The following SDK1 variants were observed in gnomAD, a reference collection of about 807,000 sequenced individuals.
SDK1 encodes protein sidekick-1.
A neutral mutation model predicts 245.5 loss-of-function variants in SDK1; 157 were observed. The ratio of observed to expected loss-of-function variants is 0.64; its 90% CI spans 0.56 to 0.73. The LOEUF is 0.73. SDK1 is among the 30% of genes least tolerant of loss of function. The pLI is 0.00. For synonymous variants in SDK1, 1,647 were observed against 1,278.5 expected (o/e 1.29, Z -6.15); for missense variants, 3,583 against 3,002.3 (o/e 1.19, Z -4.52).
chr7:3,598,925 T>C (rs1781160549), intron 1 of SDK1, among the ~76,000 whole-genome samples: 1 of 152,108 alleles, frequency 6.6e-6, no homozygotes, highest in South Asian at 2.1e-4. Flanking sequence ...CCTAGGAAGG[T>C]TTCTGTGTGA....
At chr7:3,452,771 C>G (rs772821325) in intron 1 of SDK1, among the ~76,000 whole-genome samples, 8 of 152,130 alleles carry the variant, frequency 5.3e-5, no homozygotes, top group African/African-American at 1.9e-4. Flanking sequence ...TAGAAATCCC[C>G]GCTGTTGACT....
intron 1 of SDK1, among the ~76,000 whole-genome samples, chr7:3,491,456 T>C (rs1024748888): frequency 1.3e-5 from 2 of 152,232 alleles, no homozygotes; most frequent in Non-Finnish European, 2.9e-5. Flanking sequence ...TGCTACTGTT[T>C]TATGGTAGAT....
chr7:3,679,806 G>T (rs1158263185), intron 4 of SDK1, among the ~76,000 whole-genome samples: 2 of 152,214 alleles, frequency 1.3e-5, no homozygotes, highest in East Asian at 1.9e-4. Context: ...GCTAGCTGCT[G>T]TGTAAACTGG....
At chr7:3,374,815 A>G (rs770846931) in intron 1 of SDK1, among the ~76,000 whole-genome samples, 37 of 152,126 alleles carry the variant, frequency 2.4e-4, no homozygotes, top group Non-Finnish European at 2.9e-4. Flanking sequence ...TTCAGAATTG[A>G]TTAGGTCCCC....
At chr7:3,528,563 C>T (rs188449110) in intron 1 of SDK1, among the ~76,000 whole-genome samples, 4 of 152,198 alleles carry the variant, frequency 2.6e-5, no homozygotes, top group Admixed American at 2.6e-4. Context: ...TCCTTGCTGT[C>T]TGGAGAATCA....
chr7:4,066,620 C>T (rs1412981867), intron 19 of SDK1, among the ~76,000 whole-genome samples: 1 of 152,316 alleles, frequency 6.6e-6, no homozygotes, highest in African/African-American at 2.4e-5. Flanking sequence ...TCCAGATAGC[C>T]AGGCATCCTC....
intron 1 of SDK1, among the ~76,000 whole-genome samples, chr7:3,319,986 A>G (rs556047528): frequency 2.3e-4 from 35 of 151,014 alleles, no homozygotes; most frequent in Non-Finnish European, 3.4e-4. Flanking sequence ...AATGAATTTC[A>G]CCTTGCCAAA....
intron 14 of SDK1, among the ~76,000 whole-genome samples, chr7:4,010,545 A>C (rs1032817917): frequency 3.3e-5 from 5 of 152,178 alleles, no homozygotes; most frequent in African/African-American, 1.2e-4. Flanking sequence ...TCTTTTATTA[A>C]AATGTTAATG....
At chr7:4,140,949 T>A (rs1039326557) in intron 28 of SDK1, among the ~76,000 whole-genome samples, 31 of 152,084 alleles carry the variant, frequency 2.0e-4, no homozygotes, top group East Asian at 3.9e-4. Flanking sequence ...TTTAAATTTT[T>A]AAAAAAATGA....
At chr7:4,127,996 C>T (rs1584226312) in intron 26 of SDK1, among the ~76,000 whole-genome samples, 1 of 152,202 alleles carries the variant, frequency 6.6e-6, no homozygotes, top group East Asian at 1.9e-4. Context: ...ATGGCATCCG[C>T]TGGCAGGGTT....
chr7:3,625,950 T>TC (rs1299835180), intron 2 of SDK1, among the ~76,000 whole-genome samples: 2 of 149,386 alleles, frequency 1.3e-5, no homozygotes, highest in Non-Finnish European at 3.0e-5. Flanking sequence ...TTCTTTTTTT[T>TC]TTTTTTTTTG....
At chr7:3,504,617 G>T (rs940725517) in intron 1 of SDK1, among the ~76,000 whole-genome samples, 2 of 152,084 alleles carry the variant, frequency 1.3e-5, no homozygotes, top group Non-Finnish European at 2.9e-5. Flanking sequence ...TACAAGAAAA[G>T]AATGTTTAGA....
rs779902757 is a variant in SDK1, at chr7:3,967,457, A to T, written c.1546+23A>T. 7.8e-6 allele frequency: 11 copies of T among 1,408,042 alleles called. No homozygotes were observed. In the South Asian group the frequency reaches 1.3e-4, roughly 16 times the overall value. 87.2% of individuals were successfully genotyped at this position (1,408,042 alleles called of 1,614,324 possible). A position where few individuals can be genotyped will look rare whatever the true frequency, so the allele number is the denominator to read the frequency against. On this transcript the variant is annotated intron_variant, in intron 10 of 44. Coordinates refer to ENST00000404826, the MANE Select transcript of SDK1 (RefSeq NM_152744.4). ...GAGGTGGGTAGCATCCACTGCCCACAACAGCATGGCCCATGTAGAACATAA... is the reference window on the plus strand; with the variant it reads ...GAGGTGGGTAGCATCCACTGCCCACTACAGCATGGCCCATGTAGAACATAA...
intron 4 of SDK1, among the ~76,000 whole-genome samples, chr7:3,813,701 T>C (rs1779441463): frequency 1.6e-5 from 2 of 127,452 alleles, no homozygotes; most frequent in South Asian, 5.4e-4. Flanking sequence ...ACTTCCACAA[T>C]GGTTGAACTA....
At chr7:3,485,123 C>T (rs1781643263) in intron 1 of SDK1, among the ~76,000 whole-genome samples, 1 of 152,148 alleles carries the variant, frequency 6.6e-6, no homozygotes, top group South Asian at 2.1e-4. Flanking sequence ...CTCACCAAGA[C>T]CGTATGAACA....
intron 4 of SDK1, among the ~76,000 whole-genome samples, chr7:3,647,047 G>T (rs1782861498): frequency 6.6e-6 from 1 of 152,178 alleles, no homozygotes; most frequent in Non-Finnish European, 1.5e-5. Flanking sequence ...GCACAACAGT[G>T]TGAATGCACT....
At chr7:4,214,840 G>A (rs1473905852) in intron 38 of SDK1, among the ~76,000 whole-genome samples, 3 of 152,146 alleles carry the variant, frequency 2.0e-5, no homozygotes, top group Non-Finnish European at 4.4e-5. Context: ...TGGGGCCCCC[G>A]CCGGGGTCTT....
At chr7:3,934,457 C>T (rs1780088290) in intron 5 of SDK1, among the ~76,000 whole-genome samples, 1 of 152,248 alleles carries the variant, frequency 6.6e-6, no homozygotes, top group African/African-American at 2.4e-5. Context: ...TGGAGCCCAG[C>T]AAACAGTCAC....
chr7:3,440,963 T>C (rs570771953), intron 1 of SDK1, among the ~76,000 whole-genome samples: 37 of 152,250 alleles, frequency 2.4e-4, no homozygotes, highest in Middle Eastern at 3.4e-3. Flanking sequence ...TGAAATGAGT[T>C]ACACCAAGTG....
Sources: gnomAD v4.1 joint callset for allele counts (sites outside exome capture counted in the v4.1 genomes callset) on GRCh38, gnomAD v4.1.1 for gene constraint, MANE v1.5 for transcripts, NCBI Gene and HGNC (gene_info 2026-07-23, HGNC 2026-07-21) for gene names.